SUPT3H: variants seen among roughly 807,000 people sequenced by gnomAD.
The protein encoded by SUPT3H is SPT3 homolog, SAGA and STAGA complex component, also known as transcription initiation protein SPT3 homolog.
A neutral mutation model predicts 44.3 loss-of-function variants in SUPT3H; 44 were observed. The observed-to-expected ratio is 0.99, with a 90% CI of 0.78 to 1.28. SUPT3H has a LOEUF of 1.28. SUPT3H is among the 50% of genes most tolerant of loss of function. The pLI is 0.00. For missense variants in SUPT3H, 380 were observed against 387.1 expected, an observed-to-expected ratio of 0.98 and a Z score of 0.15; for synonymous variants, 124 against 125.6, an observed-to-expected ratio of 0.99 and a Z score of 0.09.
At chr6:44,895,037 A>G (rs1763904029) in intron 10 of SUPT3H, among the ~76,000 whole-genome samples, 1 of 152,016 alleles carries the variant, frequency 6.6e-6, no homozygotes. Flanking sequence ...AGAAATGGTA[A>G]TAACCCATTA....
At chr6:44,918,556 G>A (rs1768162004) in intron 10 of SUPT3H, among the ~76,000 whole-genome samples, 1 of 152,136 alleles carries the variant, frequency 6.6e-6, no homozygotes, top group South Asian at 2.1e-4. Flanking sequence ...TCATCTGACT[G>A]TAGGCAACCA....
intron 10 of SUPT3H, among the ~76,000 whole-genome samples, chr6:44,882,717 A>G (rs913382873): frequency 3.3e-5 from 5 of 152,218 alleles, no homozygotes; most frequent in African/African-American, 1.2e-4. Flanking sequence ...CCTGGGATGC[A>G]AGGCTGATTC....
rs184181454 is a variant in SUPT3H at position 44,861,132 on chromosome 6, G to A, written c.913-31275C>T. Among the ~76,000 whole-genome samples, 12 of 152,052 alleles carry A rather than the reference G, an allele frequency of 7.9e-5. No individual in the cohort carries two copies. The East Asian group carries it at 1.7e-3, about 22-fold the overall frequency. On this transcript the variant is annotated intron_variant, in intron 10 of 10. Coordinates refer to ENST00000371459, the MANE Select transcript of SUPT3H (RefSeq NM_003599.4). Reference sequence around the variant, plus strand: ...AGGGTGTCACTCTGTGATTCAGGCTGGAGTGTAGTAGCACGATCACAGCTC... The same window carrying A: ...AGGGTGTCACTCTGTGATTCAGGCTAGAGTGTAGTAGCACGATCACAGCTC...
At chr6:45,187,101 T>TAAAAAAAAAAAA (rs70996308) in intron 2 of SUPT3H, among the ~76,000 whole-genome samples, 1 of 79,856 alleles carries the variant, frequency 1.3e-5, no homozygotes, top group African/African-American at 4.7e-5. Flanking sequence ...TTTTCGCCTT[T>TAAAAAAAAAAAA]AAAAAAAAAA....
intron 10 of SUPT3H, among the ~76,000 whole-genome samples, chr6:44,882,210 C>T (rs933536577): frequency 1.6e-4 from 24 of 152,268 alleles, no homozygotes; most frequent in African/African-American, 5.3e-4. Flanking sequence ...GATATTACCA[C>T]GGATCCCACA....
chr6:45,345,061 G>A lies in SUPT3H; in HGVS notation c.101+20140C>T, dbSNP rs575607805. 7.2e-5 allele frequency among the ~76,000 whole-genome samples: 11 copies of A among 152,218 alleles called. No individual in the cohort carries two copies. In the East Asian group the frequency reaches 2.1e-3, roughly 29 times the overall value. On this transcript the variant is annotated intron_variant, in intron 2 of 10. Transcript: ENST00000371459. ...CTGTACATTAAAACGTTCCTCATGG[G>A]ATGAAACAGAGGAGAAACTACCCAC...
Position 45,322,745 on chromosome 6 carries a change from T to C in SUPT3H, c.101+42456A>G, listed in dbSNP as rs1785700379. 4 of 639,814 alleles carry C rather than the reference T, an allele frequency of 6.3e-6. No individual in the cohort carries two copies. The East Asian group carries it at 1.1e-4, about 17-fold the overall frequency. The allele number at this position is 639,814 out of a possible 1,614,324, so 39.6% of individuals were successfully genotyped here. Reference sequence around the variant, plus strand: ...ATAAAAGAACTGTCAAGACATGTATTCCTAAAAATAAGCCTACAATAACTA... The same window carrying C: ...ATAAAAGAACTGTCAAGACATGTATCCCTAAAAATAAGCCTACAATAACTA... On this transcript the variant is annotated intron_variant, in intron 2 of 10. Transcript: ENST00000371459.
At chr6:45,298,010 T>TA (rs1238302186) in intron 2 of SUPT3H, among the ~76,000 whole-genome samples, 1 of 152,208 alleles carries the variant, frequency 6.6e-6, no homozygotes, top group African/African-American at 2.4e-5. Context: ...TGATAATTTG[T>TA]AGAGCCAGGA....
chr6:45,088,180 A>G (rs1446224660), intron 3 of SUPT3H, among the ~76,000 whole-genome samples: 1 of 152,120 alleles, frequency 6.6e-6, no homozygotes, highest in Non-Finnish European at 1.5e-5. Flanking sequence ...AAGGAAACTC[A>G]TGTTTAATAA....
intron 10 of SUPT3H, among the ~76,000 whole-genome samples, chr6:44,870,451 G>C (rs1000884596): frequency 6.6e-6 from 1 of 151,846 alleles, no homozygotes; most frequent in Non-Finnish European, 1.5e-5. Flanking sequence ...ACAAAAATTA[G>C]CCAGGTGTGT....
chr6:45,367,952 T>C (rs987142391), intron 1 of SUPT3H, among the ~76,000 whole-genome samples: 1 of 152,200 alleles, frequency 6.6e-6, no homozygotes, highest in Non-Finnish European at 1.5e-5. Context: ...TTGATTTAGA[T>C]AATTAACTTC....
chr6:45,267,165 T>G (rs994441682), intron 2 of SUPT3H, among the ~76,000 whole-genome samples: 1 of 152,190 alleles, frequency 6.6e-6, no homozygotes, highest in African/African-American at 2.4e-5. Context: ...CCCAAGTATT[T>G]TGGATATGAG....
chr6:45,239,277 T>C lies in SUPT3H; in HGVS notation c.101+125924A>G, dbSNP rs146817368. Reference sequence around the variant, plus strand: ...GAATGCACCCTTTTTACGTTACTCATATTACAGCTCATACATGTCTTCCAG... The same window carrying C: ...GAATGCACCCTTTTTACGTTACTCACATTACAGCTCATACATGTCTTCCAG... On this transcript the variant is annotated intron_variant, in intron 2 of 10. Transcript: ENST00000371459. Among the ~76,000 whole-genome samples, 1,362 of 152,324 alleles carry C rather than the reference T, an allele frequency of 8.9e-3. 14 individuals are homozygous for C. Among genetic ancestry groups the C allele is most frequent in the South Asian group, 0.025 (119 of 4,830 alleles).
chr6:45,196,188 T>C (rs1201436793), intron 2 of SUPT3H, among the ~76,000 whole-genome samples: 2 of 152,128 alleles, frequency 1.3e-5, no homozygotes, highest in Non-Finnish European at 2.9e-5. Context: ...GGGGCAGATA[T>C]ATTGCTTTAG....
chr6:45,105,870 T>G (rs1291658538), intron 3 of SUPT3H, 52 bp downstream of exon 3: 10 of 1,393,998 alleles, frequency 7.2e-6, no homozygotes, highest in Non-Finnish European at 9.1e-6. Context: ...GTTACCATCC[T>G]AATAAAAGAA....
At chr6:45,106,143 T>C (rs867594542) in intron 2 of SUPT3H, 137 bp from the exon 3 acceptor site, 56 of 707,798 alleles carry the variant, frequency 7.9e-5, no homozygotes, top group African/African-American at 5.4e-4. Context: ...GGGTGTGCAA[T>C]TTTCTTGGCC....
At chr6:45,201,480 ATTAAT>A (rs1235043245) in intron 2 of SUPT3H, among the ~76,000 whole-genome samples, 1 of 151,822 alleles carries the variant, frequency 6.6e-6, no homozygotes, top group African/African-American at 2.4e-5. Flanking sequence ...TTAAAAATAA[ATTAAT>A]ATATCAACAC....
intron 6 of SUPT3H, among the ~76,000 whole-genome samples, chr6:45,002,881 C>G (rs1782192849): frequency 6.8e-6 from 1 of 148,146 alleles, no homozygotes; most frequent in South Asian, 2.1e-4. Context: ...CTTAGCACAT[C>G]TTTTGCAATT....
chr6:45,228,752 G>A (rs893398678), intron 2 of SUPT3H, among the ~76,000 whole-genome samples: 1 of 152,050 alleles, frequency 6.6e-6, no homozygotes, highest in African/African-American at 2.4e-5. Flanking sequence ...GAGTTCAGGT[G>A]ATTCTCCTCC....
Sources: allele counts gnomAD v4.1 joint callset (sites outside exome capture counted in the v4.1 genomes callset), GRCh38; gene constraint gnomAD v4.1.1; transcripts MANE v1.5; gene names NCBI Gene and HGNC (gene_info 2026-07-23, HGNC 2026-07-21).